Variants in RGS9 observed in about 807,000 individuals in gnomAD.
RGS9 encodes the protein regulator of G protein signaling 9, also known as regulator of G-protein signalling 9.
In RGS9, 78 loss-of-function variants were observed where a neutral mutation model predicts 102.0. The observed-to-expected ratio is 0.76, with a 90% CI of 0.64 to 0.92. RGS9 has a LOEUF of 0.92. Ranked by LOEUF, RGS9 falls within the 40% of genes least tolerant of loss-of-function variation. The pLI, the probability that RGS9 is intolerant of heterozygous loss-of-function variation, is 0.00. For synonymous variants in RGS9, 353 were observed against 318.6 expected, an observed-to-expected ratio of 1.11 and a Z score of -1.15; for missense variants, 833 against 866.1, an observed-to-expected ratio of 0.96 and a Z score of 0.48.
rs560620661 is a variant in RGS9 at position 65,169,517 on chromosome 17, G to A, written c.582+1236G>A. Among the ~76,000 whole-genome samples the A allele has an allele frequency of 2.0e-5, 3 of 152,294 alleles. No homozygotes were observed. The South Asian group carries it at 6.2e-4, about 32-fold the overall frequency. Reference sequence around the variant, plus strand: ...AAGCACTCTGTGGTGAGGATAAGGAGACATGGCGGATATGCCACATTTGGC... The same window carrying A: ...AAGCACTCTGTGGTGAGGATAAGGAAACATGGCGGATATGCCACATTTGGC... On this transcript the variant is annotated intron_variant, in intron 8 of 18. Coordinates refer to ENST00000262406, the MANE Select transcript of RGS9 (RefSeq NM_003835.4).
chr17:65,170,241 G>A (rs149793678), intron 8 of RGS9, among the ~76,000 whole-genome samples: 1 of 151,946 alleles, frequency 6.6e-6, no homozygotes, highest in Non-Finnish European at 1.5e-5. Flanking sequence ...TTTTAGTAGA[G>A]ATGGGGTTTC....
intron 1 of RGS9, among the ~76,000 whole-genome samples, chr17:65,144,438 C>T (rs572802348): frequency 6.6e-6 from 1 of 152,306 alleles, no homozygotes; most frequent in Admixed American, 6.5e-5. Context: ...CACTGTCATG[C>T]CTCAGCACAT....
At chr17:65,221,732 A>C (rs916569016) in intron 17 of RGS9, among the ~76,000 whole-genome samples, 4 of 152,186 alleles carry the variant, frequency 2.6e-5, no homozygotes, top group Non-Finnish European at 5.9e-5. Flanking sequence ...TGGAGGCCCC[A>C]ACAGATTCGG....
intron 7 of RGS9, among the ~76,000 whole-genome samples, chr17:65,167,777 T>G (rs187478154): frequency 6.6e-6 from 1 of 151,706 alleles, no homozygotes; most frequent in African/African-American, 2.4e-5. Flanking sequence ...GTTGGTGGAG[T>G]TGGTTTGATT....
At chr17:65,160,509 G>A (rs780103020) in intron 4 of RGS9, 27 bp from the exon 5 acceptor site, 11 of 1,614,104 alleles carry the variant, frequency 6.8e-6, no homozygotes, top group Non-Finnish European at 9.3e-6. Context: ...CAGTTTTAAA[G>A]CGTGGTTTCC....
At chr17:65,202,687 C>T (rs1262784945) in intron 14 of RGS9, among the ~76,000 whole-genome samples, 4 of 152,096 alleles carry the variant, frequency 2.6e-5, no homozygotes, top group African/African-American at 7.2e-5. Context: ...ATGACTGTCT[C>T]TCCTCCAAAT....
At chr17:65,217,391 G>T (rs1442879958) in intron 17 of RGS9, among the ~76,000 whole-genome samples, 1 of 152,220 alleles carries the variant, frequency 6.6e-6, no homozygotes, top group Non-Finnish European at 1.5e-5. Flanking sequence ...TGGAGTTGCT[G>T]TAGCATAGCC....
chr17:65,158,131 AGAGCTGGGACT>A (rs1451137057), intron 2 of RGS9, among the ~76,000 whole-genome samples, 153 bp from the exon 3 acceptor site: 1 of 152,122 alleles, frequency 6.6e-6, no homozygotes, highest in Non-Finnish European at 1.5e-5. Context: ...TACAGGCTGC[AGAGCTGGGACT>A]GAGCATGATG....
chr17:65,177,067 A>G (rs1242164389), intron 8 of RGS9, among the ~76,000 whole-genome samples: 2 of 149,008 alleles, frequency 1.3e-5, no homozygotes, highest in East Asian at 2.0e-4. Context: ...CCATCCATCC[A>G]TCCATCCATC....
rs143681064 is a variant in RGS9, at chr17:65,204,313, C to T, written c.1203+12C>T. Reference sequence around the variant, plus strand: ...TGCTCATGAAGAAGGTAGGTGGGTCCGTGCTGTGGATACGGGGTCCAGATA... The same window carrying T: ...TGCTCATGAAGAAGGTAGGTGGGTCTGTGCTGTGGATACGGGGTCCAGATA... On this transcript the variant is annotated intron_variant, in intron 15 of 18. Transcript: ENST00000262406. 66 of 1,613,606 alleles carry T rather than the reference C, an allele frequency of 4.1e-5. No homozygotes were observed. The African/African-American group carries it at 7.1e-4, about 17-fold the overall frequency.
At chr17:65,149,999 T>A (rs1254169072) in intron 1 of RGS9, among the ~76,000 whole-genome samples, 1 of 152,230 alleles carries the variant, frequency 6.6e-6, no homozygotes, top group African/African-American at 2.4e-5. Context: ...AGATGTTGTT[T>A]AATTCAGTGC....
intron 1 of RGS9, among the ~76,000 whole-genome samples, chr17:65,144,513 A>C (rs535772449): frequency 3.9e-5 from 6 of 152,212 alleles, no homozygotes; most frequent in Non-Finnish European, 8.8e-5. Flanking sequence ...ACGGGGTCAG[A>C]CAGGGTCCCG....
intron 17 of RGS9, 116 bp from the exon 18 acceptor site, chr17:65,224,886 T>C (rs1905559353): frequency 7.1e-7 from 1 of 1,408,464 alleles, no homozygotes; most frequent in Non-Finnish European, 9.9e-7. Flanking sequence ...GGCAGCCATA[T>C]CAGGCCCGCA....
intron 15 of RGS9, 80 bp downstream of exon 15, chr17:65,204,381 G>C: frequency 6.6e-7 from 1 of 1,511,420 alleles, no homozygotes; most frequent in Non-Finnish European, 9.0e-7. Flanking sequence ...TTAGATATAG[G>C]AAAAAGAGAG....
At chr17:65,184,219 A>G (rs1912015779) in intron 9 of RGS9, among the ~76,000 whole-genome samples, 1 of 152,222 alleles carries the variant, frequency 6.6e-6, no homozygotes, top group South Asian at 2.1e-4. Context: ...CTTCGTTTTA[A>G]CATAATGTTT....
intron 15 of RGS9, 133 bp from the exon 16 acceptor site, chr17:65,207,789 T>TGGGGAA: frequency 1.5e-6 from 1 of 645,494 alleles, no homozygotes; most frequent in South Asian, 1.6e-5. Context: ...CCCCAACACC[T>TGGGGAA]TTCACCCAAG....
chr17:65,188,069 G>A (rs56219537), intron 9 of RGS9, among the ~76,000 whole-genome samples: 2,764 of 152,264 alleles, frequency 0.018, 85 homozygotes, highest in African/African-American at 0.063. Context: ...GTACCAGCCA[G>A]CCCCTGGACA....
intron 12 of RGS9, among the ~76,000 whole-genome samples, chr17:65,194,596 T>C (rs1018941781): frequency 6.6e-6 from 1 of 152,200 alleles, no homozygotes; most frequent in African/African-American, 2.4e-5. Context: ...TTTGTCAGTT[T>C]TGAATAGTCA....
chr17:65,138,019 G>A (rs895446367), intron 1 of RGS9, among the ~76,000 whole-genome samples: 3 of 152,214 alleles, frequency 2.0e-5, no homozygotes, highest in Non-Finnish European at 2.9e-5. Context: ...AAAACGGGGT[G>A]ATTTGTAGGA....
Sources: gnomAD v4.1 joint callset for allele counts (sites outside exome capture counted in the v4.1 genomes callset) on GRCh38, gnomAD v4.1.1 for gene constraint, MANE v1.5 for transcripts, NCBI Gene and HGNC (gene_info 2026-07-23, HGNC 2026-07-21) for gene names.